Variants in ITPR2 observed in about 807,000 individuals in gnomAD.
The protein encoded by ITPR2 is inositol 1,4,5-trisphosphate receptor type 2, also known as inositol 1,4,5-trisphosphate-gated calcium channel ITPR2.
ITPR2 carries 207 observed loss-of-function variants against 317.1 expected under a neutral mutation model. That is an observed-to-expected ratio of 0.65 (90% CI 0.58 to 0.73). The LOEUF is 0.73. Ranked by LOEUF, ITPR2 falls within the 30% of genes least tolerant of loss-of-function variation. The pLI is 0.00. For missense variants in ITPR2, 2,613 were observed against 3,284.0 expected (o/e 0.80, Z 4.99); for synonymous variants, 1,156 against 1,149.1 (o/e 1.01, Z -0.12).
At chr12:26,625,509 G>A (rs1946603745) in intron 23 of ITPR2, among the ~76,000 whole-genome samples, 1 of 151,866 alleles carries the variant, frequency 6.6e-6, no homozygotes, top group Non-Finnish European at 1.5e-5. Flanking sequence ...TCAATTAACA[G>A]TTTGAAAAAA....
intron 55 of ITPR2, among the ~76,000 whole-genome samples, chr12:26,343,860 G>A (rs1938216340): frequency 6.6e-6 from 1 of 152,168 alleles, no homozygotes; most frequent in Non-Finnish European, 1.5e-5. Flanking sequence ...TGAGAAAATA[G>A]GCAGCTGCCA....
At chr12:26,372,921 A>T (rs923554529) in intron 55 of ITPR2, among the ~76,000 whole-genome samples, 1 of 152,220 alleles carries the variant, frequency 6.6e-6, no homozygotes, top group Non-Finnish European at 1.5e-5. Context: ...CAGAATCACC[A>T]TTTAATTTTC....
chr12:26,638,823 C>G (rs939363109), intron 21 of ITPR2, among the ~76,000 whole-genome samples: 2 of 152,056 alleles, frequency 1.3e-5, no homozygotes, highest in African/African-American at 4.8e-5. Flanking sequence ...AGGTTAAATC[C>G]AACATGGTAA....
intron 50 of ITPR2, among the ~76,000 whole-genome samples, chr12:26,417,888 T>C (rs1311295537): frequency 6.6e-6 from 1 of 152,300 alleles, no homozygotes; most frequent in African/African-American, 2.4e-5. Context: ...TTAAAAATTA[T>C]AGAATATTAC....
intron 46 of ITPR2, among the ~76,000 whole-genome samples, chr12:26,442,667 C>T (rs183705752): frequency 7.7e-4 from 117 of 152,236 alleles, no homozygotes; most frequent in African/African-American, 2.7e-3. Context: ...TCAAGTCCAA[C>T]ACCAAAGCTA....
chr12:26,813,984 T>A (rs913500072), intron 1 of ITPR2, among the ~76,000 whole-genome samples: 2 of 152,178 alleles, frequency 1.3e-5, no homozygotes, highest in Admixed American at 1.3e-4. Context: ...GAGCCCTACA[T>A]GAAGAATGGA....
Position 26,553,475 on chromosome 12 carries a change from T to G in ITPR2, c.4964+2758A>C, listed in dbSNP as rs145175353. 2.8e-4 allele frequency among the ~76,000 whole-genome samples: 42 copies of G among 152,302 alleles called. No homozygotes were observed. The East Asian group carries it at 7.5e-3, about 27-fold the overall frequency. ...ATTCTCCAGCTAAGCTTTACCAGGA[T>G]GGTATGCACAGCAATACAAGACCCC... On this transcript the variant is annotated intron_variant, in intron 36 of 56. Coordinates refer to ENST00000381340, the MANE Select transcript of ITPR2 (RefSeq NM_002223.4).
At chr12:26,696,379 T>C (rs1023277978) in intron 9 of ITPR2, among the ~76,000 whole-genome samples, 2 of 152,136 alleles carry the variant, frequency 1.3e-5, no homozygotes, top group African/African-American at 2.4e-5. Context: ...AGTTGTCCAA[T>C]TGAATTTAAT....
chr12:26,516,007 C>G (rs1943479488), intron 37 of ITPR2, among the ~76,000 whole-genome samples: 1 of 151,072 alleles, frequency 6.6e-6, no homozygotes, highest in Non-Finnish European at 1.5e-5. Context: ...GCATGTAATC[C>G]CATCTACTTA....
At chr12:26,785,691 C>T (rs1198445370) in intron 2 of ITPR2, among the ~76,000 whole-genome samples, 20 of 27,926 alleles carry the variant, frequency 7.2e-4, no homozygotes, top group Admixed American at 1.2e-3. Flanking sequence ...CCGCCCCGTC[C>T]GGGAGGGAGG....
intron 2 of ITPR2, among the ~76,000 whole-genome samples, chr12:26,732,190 A>G (rs757060973): frequency 6.6e-5 from 10 of 152,234 alleles, no homozygotes; most frequent in Non-Finnish European, 1.5e-4. Flanking sequence ...AACTTCCTCT[A>G]GCTGAAAGTC....
chr12:26,594,391 G>A (rs1247643398), intron 32 of ITPR2, among the ~76,000 whole-genome samples: 1 of 151,486 alleles, frequency 6.6e-6, no homozygotes, highest in Non-Finnish European at 1.5e-5. Context: ...GTGAAAGGAG[G>A]GATGACAAGG....
intron 37 of ITPR2, among the ~76,000 whole-genome samples, chr12:26,535,658 AC>A (rs1397742763): frequency 6.6e-6 from 1 of 152,230 alleles, no homozygotes; most frequent in Non-Finnish European, 1.5e-5. Context: ...TGAAGTAAAA[AC>A]ATTATTCCAA....
intron 55 of ITPR2, among the ~76,000 whole-genome samples, chr12:26,369,586 G>GA (rs1361288788): frequency 5.3e-5 from 8 of 152,284 alleles, no homozygotes; most frequent in Non-Finnish European, 1.2e-4. Context: ...AGCAACAAAT[G>GA]AATGTGCAGA....
chr12:26,557,869 A>G (rs554758417), intron 35 of ITPR2, among the ~76,000 whole-genome samples: 1 of 152,094 alleles, frequency 6.6e-6, no homozygotes, highest in African/African-American at 2.4e-5. Context: ...AGAAAAAAAA[A>G]CTAACTTCTT....
intron 2 of ITPR2, among the ~76,000 whole-genome samples, chr12:26,771,417 C>T (rs567403099): frequency 7.9e-5 from 12 of 152,330 alleles, no homozygotes; most frequent in African/African-American, 2.9e-4. Context: ...GGTCCCGGAC[C>T]ACTCACCTAG....
At chr12:26,375,045 C>A (rs183411471) in intron 55 of ITPR2, among the ~76,000 whole-genome samples, 1 of 152,184 alleles carries the variant, frequency 6.6e-6, no homozygotes. Context: ...AGACAGAATT[C>A]GTGTGGCTTT....
chr12:26,455,858 G>A (rs1009932631), intron 45 of ITPR2, among the ~76,000 whole-genome samples: 20 of 152,044 alleles, frequency 1.3e-4, no homozygotes, highest in African/African-American at 4.8e-4. Flanking sequence ...TATATAATGA[G>A]GTCATGAATT....
At chr12:26,561,272 A>G (rs938261483) in intron 35 of ITPR2, among the ~76,000 whole-genome samples, 9 of 152,282 alleles carry the variant, frequency 5.9e-5, no homozygotes, top group East Asian at 3.9e-4. Context: ...AAACTATGAG[A>G]AAATAAATTT....
Sources: allele counts gnomAD v4.1 joint callset (sites outside exome capture counted in the v4.1 genomes callset), GRCh38; gene constraint gnomAD v4.1.1; transcripts MANE v1.5; gene names NCBI Gene and HGNC (gene_info 2026-07-23, HGNC 2026-07-21).